The following COL25A1 variants were observed in gnomAD, a reference collection of about 807,000 sequenced individuals.
COL25A1 encodes collagen type XXV alpha 1 chain.
In COL25A1, 103 loss-of-function variants were observed where a neutral mutation model predicts 128.4. The observed-to-expected ratio is 0.80, with a 90% CI of 0.68 to 0.94. COL25A1 has a LOEUF of 0.94. Ranked by LOEUF, COL25A1 falls within the 40% of genes least tolerant of loss-of-function variation. COL25A1 has a pLI of 0.00. For synonymous variants in COL25A1, 279 were observed against 277.2 expected (o/e 1.01, Z -0.06); for missense variants, 745 against 840.0 (o/e 0.89, Z 1.40).
chr4:108,962,247 G>A (rs1436539974), intron 8 of COL25A1, among the ~76,000 whole-genome samples: 1 of 151,104 alleles, frequency 6.6e-6, no homozygotes, highest in Non-Finnish European at 1.5e-5. Flanking sequence ...GAGTGCAGTG[G>A]CAGGATCTCG....
chr4:109,152,209 A>G (rs1277521141), intron 3 of COL25A1, among the ~76,000 whole-genome samples: 1 of 152,196 alleles, frequency 6.6e-6, no homozygotes, highest in Non-Finnish European at 1.5e-5. Flanking sequence ...AAGAAGATAA[A>G]TAATCCTTAA....
intron 3 of COL25A1, among the ~76,000 whole-genome samples, chr4:109,087,894 T>C (rs1280015931): frequency 6.6e-6 from 1 of 151,986 alleles, no homozygotes; most frequent in Admixed American, 6.6e-5. Flanking sequence ...TAAACCTCAT[T>C]CTATATACTA....
intron 5 of COL25A1, among the ~76,000 whole-genome samples, chr4:109,030,847 G>C (rs1197489532): frequency 6.6e-6 from 1 of 151,984 alleles, no homozygotes; most frequent in Non-Finnish European, 1.5e-5. Flanking sequence ...CCATCTCCTT[G>C]GCTCAAGCGA....
chr4:108,975,303 A>C (rs1485624571), intron 6 of COL25A1, among the ~76,000 whole-genome samples: 2 of 152,202 alleles, frequency 1.3e-5, no homozygotes, highest in Non-Finnish European at 2.9e-5. Flanking sequence ...TAAAAATACA[A>C]AAATTAGCTG....
In COL25A1 at chr4:109,184,210, T is replaced by C. The variant is rs374167271; in HGVS notation, c.367+116373A>G. ...AACCAGGCACTTTAATTAACATTCA[T>C]ATTTACTTTGTTGCTAAATGAAGGT... is the stretch of plus-strand genomic sequence containing the variant. On this transcript the variant is annotated intron_variant, in intron 3 of 37. Coordinates refer to ENST00000399132, the MANE Select transcript of COL25A1 (RefSeq NM_198721.4). Among the ~76,000 whole-genome samples, 18 of 152,330 alleles carry C rather than the reference T, an allele frequency of 1.2e-4. No individual in the cohort carries two copies. In the East Asian group the frequency reaches 2.5e-3, roughly 21 times the overall value.
At chr4:108,857,054 C>A (rs1168157321) in intron 24 of COL25A1, among the ~76,000 whole-genome samples, 1 of 152,012 alleles carries the variant, frequency 6.6e-6, no homozygotes, top group Non-Finnish European at 1.5e-5. Context: ...TGCCTCATGC[C>A]AGGCCCAGTT....
At chr4:109,279,700 C>T (rs771399811) in intron 3 of COL25A1, among the ~76,000 whole-genome samples, 3 of 152,156 alleles carry the variant, frequency 2.0e-5, no homozygotes, top group Non-Finnish European at 2.9e-5. Flanking sequence ...TACATAGGCA[C>T]ATACACGTGT....
intron 11 of COL25A1, among the ~76,000 whole-genome samples, chr4:108,936,194 G>C (rs1747379952): frequency 6.6e-6 from 1 of 152,026 alleles, no homozygotes; most frequent in Admixed American, 6.5e-5. Flanking sequence ...TGATGACAAA[G>C]GTTTTGTTTA....
At position 109,275,562 on chromosome 4, in the gene COL25A1, G is replaced by A. The variant is rs79511501; in HGVS notation, c.367+25021C>T. ...AGTCAACTACAGAATATGCAAAGGCGCCTGAGGGAAAAGAAATGAGGATGG... is the reference window on the plus strand; with the variant it reads ...AGTCAACTACAGAATATGCAAAGGCACCTGAGGGAAAAGAAATGAGGATGG... On this transcript the variant is annotated intron_variant, in intron 3 of 37. Transcript: ENST00000399132. Among the ~76,000 whole-genome samples, 1,494 of 152,246 alleles carry A rather than the reference G, an allele frequency of 9.8e-3. 27 individuals carry two copies. The highest frequency in any genetic ancestry group is 0.011 in the Non-Finnish European group (721 of 68,002).
chr4:109,098,649 T>A (rs1765612487), intron 3 of COL25A1, among the ~76,000 whole-genome samples: 1 of 152,250 alleles, frequency 6.6e-6, no homozygotes, highest in African/African-American at 2.4e-5. Context: ...TCATCAATCT[T>A]CTTTATTCAC....
At chr4:108,862,650 CACTT>C in intron 21 of COL25A1, 105 bp from the exon 22 acceptor site, 1 of 918,474 alleles carries the variant, frequency 1.1e-6, no homozygotes, top group Non-Finnish European at 1.7e-6. Context: ...AAAATGGAAA[CACTT>C]TATTTTAACT....
At chr4:108,975,139 TTTC>T (rs1268667664) in intron 6 of COL25A1, among the ~76,000 whole-genome samples, 1 of 152,106 alleles carries the variant, frequency 6.6e-6, no homozygotes, top group East Asian at 1.9e-4. Context: ...TTTCCAGGAG[TTTC>T]TAGGTCTTGG....
At chr4:109,231,064 G>A (rs939841137) in intron 3 of COL25A1, among the ~76,000 whole-genome samples, 8 of 152,002 alleles carry the variant, frequency 5.3e-5, no homozygotes, top group South Asian at 4.1e-4. Context: ...GCTTGATCCC[G>A]GAAGGCAGAA....
intron 11 of COL25A1, among the ~76,000 whole-genome samples, chr4:108,935,489 C>T (rs1747288796): frequency 1.3e-5 from 2 of 152,110 alleles, no homozygotes; most frequent in African/African-American, 2.4e-5. Flanking sequence ...TCTTTAAAAA[C>T]AGTAATTTTT....
rs377758255 is a variant in COL25A1, at chr4:109,151,151, G to GCA, written c.368-100974_368-100973dup. ...TATATACATTGTGAATATATAAAAT[G>GCA]CACCTAAATTGCATGCTTTAAAATG... On this transcript the variant is annotated intron_variant, in intron 3 of 37. Coordinates refer to ENST00000399132, the MANE Select transcript of COL25A1 (RefSeq NM_198721.4). 1.7e-3 allele frequency among the ~76,000 whole-genome samples: 253 copies of GCA among 152,134 alleles called. 3 individuals carry two copies. The highest frequency in any genetic ancestry group is 5.6e-3 in the African/African-American group (234 of 41,558).
intron 3 of COL25A1, among the ~76,000 whole-genome samples, chr4:109,071,932 G>A (rs937063568): frequency 2.0e-5 from 3 of 152,174 alleles, no homozygotes; most frequent in African/African-American, 7.2e-5. Context: ...ATTTGACCCA[G>A]CCATCCCATT....
intron 3 of COL25A1, among the ~76,000 whole-genome samples, chr4:109,208,403 C>A (rs1022900722): frequency 6.6e-6 from 1 of 151,862 alleles, no homozygotes; most frequent in Non-Finnish European, 1.5e-5. Context: ...AAGGATGCAG[C>A]CTCCACCTCA....
At position 108,972,877 on chromosome 4, in the gene COL25A1, A is replaced by G. The variant is rs146187810; in HGVS notation, c.492+1490T>C. ...CAACATGAAACCAGGTGAATTTCAG[A>G]TGGTTTCAGGTTTCATCCTGAAAAT... is the stretch of plus-strand genomic sequence containing the variant. On this transcript the variant is annotated intron_variant, in intron 8 of 37. Transcript: ENST00000399132. Among the ~76,000 whole-genome samples, 7 of 152,290 alleles carry G rather than the reference A, an allele frequency of 4.6e-5. No homozygotes were observed. The East Asian group carries it at 1.4e-3, about 29-fold the overall frequency.
intron 3 of COL25A1, among the ~76,000 whole-genome samples, chr4:109,227,923 T>C (rs1437668098): frequency 1.3e-5 from 2 of 152,086 alleles, no homozygotes; most frequent in East Asian, 1.9e-4. Flanking sequence ...CAGTTCACAT[T>C]TGAACGCCTC....
Sources: gnomAD v4.1 joint callset for allele counts (sites outside exome capture counted in the v4.1 genomes callset) on GRCh38, gnomAD v4.1.1 for gene constraint, MANE v1.5 for transcripts, NCBI Gene and HGNC (gene_info 2026-07-23, HGNC 2026-07-21) for gene names.